Variants in EXOC6 observed in about 807,000 individuals in gnomAD.
EXOC6 encodes the protein SEC15-like 1.
Under a neutral mutation model 112.5 loss-of-function variants are expected in EXOC6, and 60 were observed. The ratio of observed to expected loss-of-function variants is 0.53; its 90% CI spans 0.43 to 0.66. The LOEUF is 0.66. Ranked by LOEUF, EXOC6 falls within the 30% of genes least tolerant of loss-of-function variation. The pLI, the probability that EXOC6 is intolerant of heterozygous loss-of-function variation, is 0.00. For synonymous variants in EXOC6, 295 were observed against 308.0 expected (o/e 0.96, Z 0.44); for missense variants, 855 against 957.1 (o/e 0.89, Z 1.41).
intron 9 of EXOC6, among the ~76,000 whole-genome samples, chr10:92,929,577 G>A (rs1227909319): frequency 1.3e-5 from 2 of 152,128 alleles, no homozygotes; most frequent in Admixed American, 1.3e-4. Flanking sequence ...ATATAATAGT[G>A]CTACTTAGTA....
chr10:92,991,994 G>A (rs914961841), intron 18 of EXOC6, among the ~76,000 whole-genome samples: 1 of 151,910 alleles, frequency 6.6e-6, no homozygotes, highest in Non-Finnish European at 1.5e-5. Context: ...GAATGTTGTG[G>A]GTGTTAAAAT....
chr10:92,922,831 G>T (rs1851519238), intron 8 of EXOC6, among the ~76,000 whole-genome samples: 1 of 152,036 alleles, frequency 6.6e-6, no homozygotes, highest in Admixed American at 6.6e-5. Flanking sequence ...CTAATTATCT[G>T]ATGAATACCA....
chr10:93,042,791 G>A (rs1395751718), intron 20 of EXOC6, among the ~76,000 whole-genome samples: 1 of 152,144 alleles, frequency 6.6e-6, no homozygotes, highest in Admixed American at 6.5e-5. Context: ...TTATTTAAGT[G>A]AAGTATAATT....
intron 1 of EXOC6, among the ~76,000 whole-genome samples, chr10:92,886,546 A>G (rs1176990941): frequency 6.6e-6 from 1 of 152,204 alleles, no homozygotes; most frequent in Non-Finnish European, 1.5e-5. Flanking sequence ...TATGCTGCTT[A>G]TCACCATTTC....
At chr10:92,831,786 A>C (rs760867512), upstream of EXOC6, among the ~76,000 whole-genome samples, 3 of 152,238 alleles carry the variant, frequency 2.0e-5, no homozygotes, top group Non-Finnish European at 4.4e-5. Context: ...GCATATGCCT[A>C]CATTCTAAAA....
At chr10:92,934,072 T>C (rs1429032233) in intron 9 of EXOC6, 72 bp from the exon 10 acceptor site, 12 of 882,852 alleles carry the variant, frequency 1.4e-5, no homozygotes, top group Non-Finnish European at 2.1e-5. Flanking sequence ...AATGAAGTTG[T>C]AGTGACTTGG....
At chr10:92,848,721 G>C (rs1847169269) in intron 1 of EXOC6, 87 bp downstream of exon 1, 1 of 1,079,440 alleles carries the variant, frequency 9.3e-7, no homozygotes, top group African/African-American at 1.7e-5. Context: ...GCCGCCGGCC[G>C]CGCGCGAAGC....
intron 1 of EXOC6, among the ~76,000 whole-genome samples, chr10:92,838,280 C>G (rs1469239423): frequency 6.6e-6 from 1 of 152,172 alleles, no homozygotes; most frequent in African/African-American, 2.4e-5. Flanking sequence ...GCCTATAATG[C>G]CTTTCACCCC....
intron 1 of EXOC6, among the ~76,000 whole-genome samples, chr10:92,891,256 T>G (rs1849484671): frequency 6.6e-6 from 1 of 152,106 alleles, no homozygotes; most frequent in Admixed American, 6.6e-5. Flanking sequence ...ATATATGAGT[T>G]TGAGGAGAGG....
chr10:92,974,172 T>C lies in EXOC6; in HGVS notation c.1893T>C (p.Gly631=), dbSNP rs1040864012. The C allele has an allele frequency of 2.5e-6, 4 of 1,597,546 alleles. No individual in the cohort carries two copies. The highest frequency in any genetic ancestry group is 1.8e-5 in the Admixed American group (1 of 54,388). ...CTGAGCCAGATGGAAGAGCTAGTGGTTATTTAATGGACCTTATAAATTTTT... is the reference window on the plus strand; with the variant it reads ...CTGAGCCAGATGGAAGAGCTAGTGGCTATTTAATGGACCTTATAAATTTTT... ...TMSEPDGRAS[G]YLMDLINFLR... The change falls in exon 18 of 22, where the codon GGT becomes GGC. Residue 631 remains glycine, a synonymous_variant. Coordinates refer to ENST00000260762, the MANE Select transcript of EXOC6 (RefSeq NM_019053.6).
intron 17 of EXOC6, among the ~76,000 whole-genome samples, chr10:92,970,191 C>G (rs1389751885): frequency 3.3e-5 from 5 of 152,174 alleles, no homozygotes; most frequent in Non-Finnish European, 7.3e-5. Flanking sequence ...CATTCCATAT[C>G]TCTGGGTTCC....
chr10:92,907,787 T>C (rs1457129455), intron 5 of EXOC6, among the ~76,000 whole-genome samples: 2 of 152,174 alleles, frequency 1.3e-5, no homozygotes, highest in South Asian at 2.1e-4. Context: ...TTATTTCACT[T>C]CATCAAGCCT....
In EXOC6 at chr10:92,955,623, G is replaced by T; in HGVS notation, c.1682G>T (p.Cys561Phe). 2.5e-6 allele frequency: 4 copies of T among 1,611,710 alleles called. No individual in the cohort carries two copies. Among genetic ancestry groups the T allele is most frequent in the Non-Finnish European group, 2.5e-6 (3 of 1,178,544 alleles). The part of the protein sequence containing the change: ...IINTTHLEQA[C>F]KYLEDFITNI... ...AACACAACACACCTGGAGCAAGCTT[G>T]TAAATATCTTGAGGACTTTATAACT... Residue 561 changes from cysteine to phenylalanine, a missense_variant, in exon 17 of 22, where the codon TGT (cysteine) becomes TTT (phenylalanine). By Grantham distance (205) the Cys-to-Phe change is radical. Coordinates refer to ENST00000260762, the MANE Select transcript of EXOC6 (RefSeq NM_019053.6).
chr10:92,856,907 C>A (rs1430223447), intron 1 of EXOC6, among the ~76,000 whole-genome samples: 1 of 152,106 alleles, frequency 6.6e-6, no homozygotes, highest in Admixed American at 6.5e-5. Flanking sequence ...GTTTTAAAGT[C>A]TGTTATGTCA....
chr10:92,914,807 C>T, intron 6 of EXOC6, among the ~76,000 whole-genome samples: 1 of 152,264 alleles, frequency 6.6e-6, no homozygotes, highest in Middle Eastern at 3.4e-3. Context: ...CACGACCTTT[C>T]TATGTGCTAA....
chr10:92,936,026 T>A (rs1852319246), intron 12 of EXOC6, 141 bp downstream of exon 12: 5 of 587,232 alleles, frequency 8.5e-6, no homozygotes, highest in African/African-American at 7.8e-5. Flanking sequence ...GATATTCTGC[T>A]ATTACCCAGG....
At chr10:92,830,466 C>T (rs1236373884), upstream of EXOC6, among the ~76,000 whole-genome samples, 2 of 152,184 alleles carry the variant, frequency 1.3e-5, no homozygotes, top group Non-Finnish European at 2.9e-5. Flanking sequence ...AGGACTATAT[C>T]AACTTCACAC....
intron 5 of EXOC6, among the ~76,000 whole-genome samples, chr10:92,903,432 T>C (rs1850284504): frequency 6.6e-6 from 1 of 151,794 alleles, no homozygotes. Flanking sequence ...GTTTAGACTG[T>C]AGAAAGAAAG....
Position 92,827,929 on chromosome 10 carries a change from C to T in EXOC6, c.-27+985C>T, listed in dbSNP as rs188081217. On this transcript the variant is annotated intron_variant, in intron 1 of 22. Coordinates refer to the EXOC6 transcript ENST00000671701. ...CCTTAATGTTTTGTGACTCTGTTGG[C>T]ACTTTCAGCTATGGCCCATTAGCTC... Among the ~76,000 whole-genome samples, 9 of 152,260 alleles carry T rather than the reference C, an allele frequency of 5.9e-5. No individual in the cohort carries two copies. The East Asian group carries it at 1.7e-3, about 29-fold the overall frequency.
Sources: allele counts gnomAD v4.1 joint callset (sites outside exome capture counted in the v4.1 genomes callset), GRCh38; gene constraint gnomAD v4.1.1; transcripts MANE v1.5; gene names NCBI Gene and HGNC (gene_info 2026-07-23, HGNC 2026-07-21).